The following NAV3 variants were observed in gnomAD, a reference collection of about 807,000 sequenced individuals.
NAV3 encodes the protein neuron navigator 3.
A neutral mutation model predicts 244.7 loss-of-function variants in NAV3; 87 were observed. The observed-to-expected ratio is 0.36, with a 90% CI of 0.30 to 0.42. The LOEUF (loss-of-function observed/expected upper bound fraction) is 0.42. NAV3 is among the 20% of genes least tolerant of loss of function. The pLI, the probability that NAV3 is intolerant of heterozygous loss-of-function variation, is 1.00. For missense variants in NAV3, 2,663 were observed against 2,893.3 expected (o/e 0.92, Z 1.83); for synonymous variants, 1,126 against 1,042.2 (o/e 1.08, Z -1.55).
At chr12:77,681,751 G>A (rs1874479093) in intron 2 of NAV3, among the ~76,000 whole-genome samples, 1 of 152,112 alleles carries the variant, frequency 6.6e-6, no homozygotes, top group Non-Finnish European at 1.5e-5. Context: ...TTAAACTCAT[G>A]TAACTAACAT....
chr12:78,031,474 T>C (rs1288689178), intron 9 of NAV3, among the ~76,000 whole-genome samples: 3 of 151,814 alleles, frequency 2.0e-5, no homozygotes, highest in Non-Finnish European at 2.9e-5. Context: ...TCAGAACAAA[T>C]AAGACTCAAT....
chr12:77,975,376 C>A (rs1000436875), intron 5 of NAV3, among the ~76,000 whole-genome samples: 2 of 152,160 alleles, frequency 1.3e-5, no homozygotes, highest in Non-Finnish European at 2.9e-5. Flanking sequence ...TTGAAGCTTT[C>A]ATTCTAGTAA....
intron 6 of NAV3, among the ~76,000 whole-genome samples, chr12:77,996,369 T>G (rs867823098): frequency 6.6e-6 from 1 of 152,214 alleles, no homozygotes; most frequent in Non-Finnish European, 1.5e-5. Context: ...GTAGATTCTC[T>G]TAAGCAAAAG....
intron 2 of NAV3, among the ~76,000 whole-genome samples, chr12:77,814,272 C>G (rs1198492823): frequency 6.6e-6 from 1 of 151,910 alleles, no homozygotes; most frequent in African/African-American, 2.4e-5. Context: ...AATGTTGATA[C>G]AACATCCCAA....
intron 1 of NAV3, 43 bp downstream of exon 1, chr12:77,831,747 C>A (rs370515628): frequency 1.3e-6 from 2 of 1,545,936 alleles, no homozygotes; most frequent in Non-Finnish European, 1.7e-6. Flanking sequence ...AGCTAAAATG[C>A]ACATTTCTCT....
chr12:78,150,189 G>T lies in NAV3; in HGVS notation c.4785+1270G>T, dbSNP rs576148376. Among the ~76,000 whole-genome samples the T allele has an allele frequency of 1.1e-4, 16 of 152,164 alleles. No homozygotes were observed. In the East Asian group the frequency reaches 2.9e-3, roughly 28 times the overall value. ...TATTGTTGTCTAGGTTCCTGAATTT[G>T]TACCCAGAGGAAGTAGAATAATGTA... On this transcript the variant is annotated intron_variant, in intron 22 of 39. Transcript: ENST00000397909.
intron 12 of NAV3, among the ~76,000 whole-genome samples, chr12:78,103,566 T>A (rs183405562): frequency 1.6e-4 from 25 of 152,310 alleles, no homozygotes; most frequent in African/African-American, 5.5e-4. Flanking sequence ...ACTTACTTTG[T>A]TAGTCCGTTT....
rs748290820 is a variant in NAV3, at chr12:78,119,862, C to A, written c.3666C>A (p.Pro1222=). The change falls in exon 15 of 40, where the codon CCC becomes CCA. Residue 1222 remains proline (P), a synonymous_variant. Coordinates refer to ENST00000397909, the MANE Select transcript of NAV3 (RefSeq NM_001024383.2). ...VSLSGSPKSS[P]TSASACGAQG... ...TGTCAGGTTCCCCCAAATCCAGCCCCACCTCTGCCAGCGCCTGTGGTGCAC... is the reference window on the plus strand; with the variant it reads ...TGTCAGGTTCCCCCAAATCCAGCCCAACCTCTGCCAGCGCCTGTGGTGCAC... The A allele has an allele frequency of 6.2e-7, 1 of 1,614,040 alleles. No individual in the cohort carries two copies. Among genetic ancestry groups the A allele is most frequent in the African/African-American group, 1.3e-5 (1 of 74,908 alleles).
intron 8 of NAV3, among the ~76,000 whole-genome samples, chr12:78,021,010 C>A (rs949827074): frequency 6.6e-6 from 1 of 152,038 alleles, no homozygotes; most frequent in Non-Finnish European, 1.5e-5. Flanking sequence ...GAAGCTGCAT[C>A]AAATAGAAAG....
At chr12:78,057,901 A>AT (rs1566073488) in intron 11 of NAV3, among the ~76,000 whole-genome samples, 4 of 152,088 alleles carry the variant, frequency 2.6e-5, no homozygotes, top group East Asian at 1.9e-4. Context: ...TAGGTGCCTG[A>AT]TTTTTTTCCA....
At chr12:77,668,594 A>G (rs1399261746) in intron 2 of NAV3, among the ~76,000 whole-genome samples, 1 of 152,186 alleles carries the variant, frequency 6.6e-6, no homozygotes, top group Non-Finnish European at 1.5e-5. Flanking sequence ...CAAAGAAAAA[A>G]GAATAAAGAA....
At position 78,006,849 on chromosome 12, in the gene NAV3, T is replaced by C. The variant is rs1194095259; in HGVS notation, c.1311T>C (p.Asn437=). Residue 437 remains asparagine (N), a synonymous_variant, in exon 8 of 40, where the codon AAT becomes AAC. Coordinates refer to ENST00000397909, the MANE Select transcript of NAV3 (RefSeq NM_001024383.2). ...GTCTGAATAGTGGTGGCTCAACAAA[T>C]AGCAGTCCCAAAGTGTCACCTAAGT... ...NSGLNSGGST[N]SSPKVSPKLA... 3.7e-6 allele frequency: 6 copies of C among 1,614,012 alleles called. No homozygotes were observed. Among genetic ancestry groups the C allele is most frequent in the Non-Finnish European group, 5.1e-6 (6 of 1,180,010 alleles).
upstream of NAV3, among the ~76,000 whole-genome samples, chr12:77,826,698 A>T (rs1296530807): frequency 6.6e-6 from 1 of 152,184 alleles, no homozygotes; most frequent in African/African-American, 2.4e-5. Flanking sequence ...GAAAATACTG[A>T]ATGATTTCAT....
At chr12:77,584,025 T>G (rs911551315) in intron 2 of NAV3, among the ~76,000 whole-genome samples, 1 of 152,218 alleles carries the variant, frequency 6.6e-6, no homozygotes, top group Non-Finnish European at 1.5e-5. Context: ...TGTTGCTTCA[T>G]CATTCATGTA....
intron 1 of NAV3, among the ~76,000 whole-genome samples, chr12:77,880,357 G>A (rs1882470230): frequency 6.6e-6 from 1 of 152,138 alleles, no homozygotes; most frequent in African/African-American, 2.4e-5. Flanking sequence ...GGACAATTTT[G>A]TTAGCATACA....
chr12:77,874,476 A>G (rs1592857355), intron 1 of NAV3, among the ~76,000 whole-genome samples: 3 of 152,058 alleles, frequency 2.0e-5, no homozygotes, highest in Non-Finnish European at 4.4e-5. Flanking sequence ...CTCTCAAAGT[A>G]CTGGGATTAC....
chr12:78,141,039 G>A (rs145791305), intron 20 of NAV3, among the ~76,000 whole-genome samples: 1,733 of 151,806 alleles, frequency 0.011, 32 homozygotes, highest in African/African-American at 0.038. Flanking sequence ...CTACAGGCAT[G>A]CACCACCATG....
intron 12 of NAV3, among the ~76,000 whole-genome samples, chr12:78,089,145 T>C (rs796749948): frequency 4.6e-5 from 7 of 152,276 alleles, no homozygotes; most frequent in African/African-American, 1.7e-4. Context: ...TTACCATTTT[T>C]TTCCATACCA....
intron 2 of NAV3, among the ~76,000 whole-genome samples, chr12:77,741,686 G>A (rs537275609): frequency 2.1e-4 from 32 of 152,172 alleles, no homozygotes; most frequent in African/African-American, 7.5e-4. Context: ...TAAAAGGGTG[G>A]CGCAATATAA....
Sources: gnomAD v4.1 joint callset for allele counts (sites outside exome capture counted in the v4.1 genomes callset) on GRCh38, gnomAD v4.1.1 for gene constraint, MANE v1.5 for transcripts, NCBI Gene and HGNC (gene_info 2026-07-23, HGNC 2026-07-21) for gene names.